Variants in MEGF10 observed in about 807,000 individuals in gnomAD.
The protein encoded by MEGF10 is multiple epidermal growth factor-like domains protein 10.
MEGF10 carries 86 observed loss-of-function variants against 147.5 expected under a neutral mutation model. The observed-to-expected ratio is 0.58, with a 90% CI of 0.49 to 0.70. The LOEUF (loss-of-function observed/expected upper bound fraction) is 0.70, where lower values mean the gene tolerates loss of function less well. Among genes scored for constraint, MEGF10 ranks in the 30% least tolerant of loss-of-function variants. The probability of loss-of-function intolerance (pLI) is 0.00; values close to 1 mark genes in which losing one functional copy is unlikely to be tolerated. For missense variants in MEGF10, 1,329 were observed against 1,487.3 expected (o/e 0.89, Z 1.75); for synonymous variants, 478 against 525.5 (o/e 0.91, Z 1.24).
chr5:127,306,230 C>T (rs1278122530), intron 1 of MEGF10, among the ~76,000 whole-genome samples: 2 of 152,138 alleles, frequency 1.3e-5, no homozygotes, highest in Non-Finnish European at 2.9e-5. Flanking sequence ...AGAGAGACTA[C>T]AGTGTTTTCA....
intron 13 of MEGF10, among the ~76,000 whole-genome samples, chr5:127,432,292 G>C (rs1037753487): frequency 5.3e-5 from 8 of 152,188 alleles, no homozygotes; most frequent in African/African-American, 1.9e-4. Flanking sequence ...TATAGTTTGG[G>C]ACTGCTTCCA....
intron 17 of MEGF10, 77 bp from the exon 18 acceptor site, chr5:127,440,662 A>G: frequency 6.7e-7 from 1 of 1,499,356 alleles, no homozygotes. Flanking sequence ...TTAAACACAA[A>G]TATGTTGGAG....
chr5:127,398,907 T>C, intron 7 of MEGF10, 111 bp downstream of exon 7: 1 of 1,445,026 alleles, frequency 6.9e-7, no homozygotes, highest in Non-Finnish European at 9.5e-7. Context: ...ACCATGATGG[T>C]TGAAGATTCC....
intron 10 of MEGF10, among the ~76,000 whole-genome samples, chr5:127,418,649 A>G (rs1395062432): frequency 6.6e-6 from 1 of 152,198 alleles, no homozygotes; most frequent in Non-Finnish European, 1.5e-5. Flanking sequence ...AAAGTGAATC[A>G]TGTTGCTGAA....
At chr5:127,402,315 G>A (rs143721642) in intron 7 of MEGF10, among the ~76,000 whole-genome samples, 133 of 152,248 alleles carry the variant, frequency 8.7e-4, no homozygotes, top group African/African-American at 3.1e-3. Context: ...CTATTCAGCC[G>A]TCTTTGAATG....
intron 5 of MEGF10, among the ~76,000 whole-genome samples, chr5:127,383,035 A>G (rs895846587): frequency 3.9e-5 from 6 of 152,202 alleles, no homozygotes; most frequent in African/African-American, 1.4e-4. Context: ...GATCAATTTG[A>G]CTATGTCTAG....
intron 4 of MEGF10, among the ~76,000 whole-genome samples, chr5:127,361,920 T>C (rs1762482246): frequency 6.6e-6 from 1 of 152,174 alleles, no homozygotes; most frequent in Non-Finnish European, 1.5e-5. Flanking sequence ...TTAAAATTGA[T>C]TGAGATTTGT....
intron 16 of MEGF10, among the ~76,000 whole-genome samples, chr5:127,435,812 G>T (rs954434327): frequency 5.9e-5 from 9 of 152,012 alleles, no homozygotes; most frequent in African/African-American, 2.2e-4. Flanking sequence ...TCTTCATTTT[G>T]TGTTTATCTG....
chr5:127,384,372 A>G (rs1370736354), intron 5 of MEGF10, among the ~76,000 whole-genome samples: 1 of 152,222 alleles, frequency 6.6e-6, no homozygotes, highest in Non-Finnish European at 1.5e-5. Context: ...ATAGCAAGAC[A>G]TCTTATAAGG....
chr5:127,369,892 T>A lies in MEGF10; in HGVS notation c.320-18T>A. The A allele has an allele frequency of 6.3e-7, 1 of 1,589,636 alleles. No homozygotes were observed. The highest frequency in any genetic ancestry group is 8.6e-7 in the Non-Finnish European group (1 of 1,166,934). On this transcript the variant is annotated intron_variant, in intron 4 of 24. Transcript: ENST00000503335. Reference sequence around the variant, plus strand: ...CTTGTGCCAACTTTCTTTATTTGATTGATTTTCTCTCTGACAGCCCACTGT... The same window carrying A: ...CTTGTGCCAACTTTCTTTATTTGATAGATTTTCTCTCTGACAGCCCACTGT...
chr5:127,421,663 G>A (rs1765010127), intron 12 of MEGF10, among the ~76,000 whole-genome samples: 1 of 152,082 alleles, frequency 6.6e-6, no homozygotes, highest in Non-Finnish European at 1.5e-5. Flanking sequence ...CTCATACTTA[G>A]GACTGTGAGT....
chr5:127,429,633 C>T (rs1197836935), intron 13 of MEGF10, among the ~76,000 whole-genome samples: 3 of 152,326 alleles, frequency 2.0e-5, no homozygotes, highest in African/African-American at 7.2e-5. Flanking sequence ...GGGGAGTCTT[C>T]ATCTGCATTT....
At position 127,455,489 on chromosome 5, in the gene MEGF10, A is replaced by G. The variant is rs770276054; in HGVS notation, c.3114A>G (p.Val1038=). Residue 1038 remains valine (V), a synonymous_variant, in exon 24 of 25, where the codon GTA becomes GTG. Coordinates refer to ENST00000503335, the MANE Select transcript of MEGF10 (RefSeq NM_001256545.2). The stretch of plus-strand genomic sequence containing the variant: ...ATGCCACTATTAAAGACCCACCTGT[A>G]CTTATCCCGAAAAGCTCAGAGTGTG... ...NPYATIKDPP[V]LIPKSSECGY... 3.7e-6 allele frequency: 6 copies of G among 1,614,120 alleles called. No individual in the cohort carries two copies. The highest frequency in any genetic ancestry group is 1.3e-5 in the African/African-American group (1 of 75,038).
chr5:127,269,740 G>A, the MEGF10 span, among the ~76,000 whole-genome samples: 3 of 151,592 alleles, frequency 2.0e-5, no homozygotes, highest in Admixed American at 6.6e-5. Context: ...TACAGAAAAC[G>A]CCACACTCCT....
chr5:127,400,362 A>G (rs1764079220), intron 7 of MEGF10, among the ~76,000 whole-genome samples: 1 of 152,194 alleles, frequency 6.6e-6, no homozygotes, highest in Non-Finnish European at 1.5e-5. Context: ...TGGCAGAGTC[A>G]ATGATAATAA....
chr5:127,304,282 G>A (rs1277830211), intron 1 of MEGF10, among the ~76,000 whole-genome samples: 1 of 152,156 alleles, frequency 6.6e-6, no homozygotes, highest in Non-Finnish European at 1.5e-5. Flanking sequence ...GTCTTTTGAA[G>A]CATCCTGGCC....
intron 1 of MEGF10, among the ~76,000 whole-genome samples, chr5:127,319,972 T>C (rs1482247214): frequency 6.6e-6 from 1 of 152,230 alleles, no homozygotes; most frequent in Non-Finnish European, 1.5e-5. Context: ...GGCATACTTT[T>C]AATATCTCCA....
At chr5:127,267,888 T>C in the MEGF10 span, among the ~76,000 whole-genome samples, 1 of 152,150 alleles carries the variant, frequency 6.6e-6, no homozygotes, top group South Asian at 2.1e-4. Flanking sequence ...ATTCATTGAT[T>C]TTTTGAAGGA....
chr5:127,331,253 T>G (rs1291935947), intron 1 of MEGF10, 38 bp from the exon 2 acceptor site: 2 of 1,084,680 alleles, frequency 1.8e-6, no homozygotes, highest in African/African-American at 3.1e-5. Context: ...GTGAGTCATT[T>G]CAATGCATTT....
Sources: allele counts gnomAD v4.1 joint callset (sites outside exome capture counted in the v4.1 genomes callset), GRCh38; gene constraint gnomAD v4.1.1; transcripts MANE v1.5; gene names NCBI Gene and HGNC (gene_info 2026-07-23, HGNC 2026-07-21).